Variants in GALNT17 observed in about 807,000 individuals in gnomAD.
GALNT17 encodes UDP-GalNAc:polypeptide N-acetylgalactosaminyltransferase-like 3.
GALNT17 carries 29 observed loss-of-function variants against 63.7 expected under a neutral mutation model. The ratio of observed to expected loss-of-function variants is 0.46; its 90% CI spans 0.34 to 0.62. The LOEUF (loss-of-function observed/expected upper bound fraction) is 0.62. Ranked by LOEUF, GALNT17 falls within the 20% of genes least tolerant of loss-of-function variation. GALNT17 has a pLI of 0.01. For missense variants in GALNT17, 603 were observed against 799.6 expected (o/e 0.75, Z 2.97); for synonymous variants, 305 against 318.3 (o/e 0.96, Z 0.45).
chr7:71,340,821 G>A (rs1791993679), intron 2 of GALNT17, among the ~76,000 whole-genome samples: 1 of 152,130 alleles, frequency 6.6e-6, no homozygotes, highest in Non-Finnish European at 1.5e-5. Context: ...ATCATTTGAG[G>A]TCAGGAGTTT....
intron 7 of GALNT17, among the ~76,000 whole-genome samples, chr7:71,667,988 A>G (rs1174150594): frequency 6.6e-6 from 1 of 152,006 alleles, no homozygotes; most frequent in African/African-American, 2.4e-5. Flanking sequence ...TTGTAGAGAC[A>G]AGGTTTTGCC....
At chr7:71,301,541 A>C (rs74339002) in intron 1 of GALNT17, among the ~76,000 whole-genome samples, 4,119 of 151,684 alleles carry the variant, frequency 0.027, 192 homozygotes, top group African/African-American at 0.094. Flanking sequence ...TTAGTCTTGT[A>C]GTCCTTTTTT....
chr7:71,196,092 T>C (rs1789043490), intron 1 of GALNT17, among the ~76,000 whole-genome samples: 1 of 152,256 alleles, frequency 6.6e-6, no homozygotes, highest in African/African-American at 2.4e-5. Context: ...CCTCCTCCCA[T>C]GTGCCTGTTC....
intron 5 of GALNT17, among the ~76,000 whole-genome samples, chr7:71,505,093 A>G (rs1691296095): frequency 6.6e-6 from 1 of 152,128 alleles, no homozygotes; most frequent in Admixed American, 6.5e-5. Flanking sequence ...CTGATCTCTT[A>G]CTTGACCCAC....
intron 8 of GALNT17, among the ~76,000 whole-genome samples, chr7:71,672,872 C>G (rs1242676343): frequency 1.3e-5 from 2 of 151,978 alleles, no homozygotes; most frequent in Admixed American, 1.3e-4. Context: ...ATAAAACATC[C>G]TCAAAGAAAA....
intron 2 of GALNT17, among the ~76,000 whole-genome samples, chr7:71,383,644 A>G (rs534232394): frequency 1.3e-5 from 2 of 152,108 alleles, no homozygotes; most frequent in African/African-American, 2.4e-5. Context: ...GTGTTCCCCA[A>G]GCTGGTCTTG....
intron 5 of GALNT17, among the ~76,000 whole-genome samples, chr7:71,554,329 A>C (rs28709000): frequency 0.31 from 47,763 of 151,718 alleles, 7,659 homozygotes; most frequent in Admixed American, 0.34. Flanking sequence ...TTCCCTGCAC[A>C]CTCTCTGTTG....
chr7:71,256,599 CAAAAA>C (rs1234495345), intron 1 of GALNT17, among the ~76,000 whole-genome samples: 1 of 150,398 alleles, frequency 6.6e-6, no homozygotes, highest in Non-Finnish European at 1.5e-5. Flanking sequence ...AAACCAAAAA[CAAAAA>C]AACAAAACTG....
intron 5 of GALNT17, among the ~76,000 whole-genome samples, chr7:71,441,677 C>T (rs1787069309): frequency 1.3e-5 from 2 of 152,116 alleles, no homozygotes; most frequent in Non-Finnish European, 2.9e-5. Flanking sequence ...TGATGTTCCC[C>T]TCCCTGTGTC....
chr7:71,618,721 G>T (rs1790251892), intron 6 of GALNT17, among the ~76,000 whole-genome samples: 1 of 152,124 alleles, frequency 6.6e-6, no homozygotes, highest in African/African-American at 2.4e-5. Context: ...GCCTTTGCTG[G>T]ATATATAATT....
intron 8 of GALNT17, among the ~76,000 whole-genome samples, chr7:71,673,529 C>T (rs1375330008): frequency 1.3e-5 from 2 of 152,126 alleles, no homozygotes; most frequent in Non-Finnish European, 2.9e-5. Flanking sequence ...GGACTTTGGG[C>T]AGTTTTGCAA....
chr7:71,332,345 G>A (rs139989445), intron 1 of GALNT17, among the ~76,000 whole-genome samples: 44 of 152,020 alleles, frequency 2.9e-4, no homozygotes, highest in African/African-American at 8.9e-4. Flanking sequence ...AGATATTTCA[G>A]TTTCAATGAT....
chr7:71,269,571 T>C (rs779236082), intron 1 of GALNT17, among the ~76,000 whole-genome samples: 1 of 152,130 alleles, frequency 6.6e-6, no homozygotes, highest in Non-Finnish European at 1.5e-5. Flanking sequence ...GGAGGAAGTA[T>C]GGAGGGCCAT....
intron 3 of GALNT17, among the ~76,000 whole-genome samples, chr7:71,403,457 T>C (rs1450322383): frequency 6.6e-6 from 1 of 152,190 alleles, no homozygotes; most frequent in African/African-American, 2.4e-5. Flanking sequence ...CCACATCTGC[T>C]CTGATGTTAT....
chr7:71,292,124 C>G (rs1292178710), intron 1 of GALNT17, among the ~76,000 whole-genome samples: 2 of 152,128 alleles, frequency 1.3e-5, no homozygotes, highest in Non-Finnish European at 2.9e-5. Context: ...ATAATTTTCC[C>G]AGTTCCCCTT....
intron 3 of GALNT17, among the ~76,000 whole-genome samples, chr7:71,395,837 A>G (rs949873405): frequency 2.0e-5 from 3 of 152,126 alleles, no homozygotes; most frequent in African/African-American, 7.2e-5. Context: ...GCATTTCCCT[A>G]ATGACTAATT....
chr7:71,429,071 TTGTC>T (rs1408435373), intron 5 of GALNT17, among the ~76,000 whole-genome samples: 2 of 152,220 alleles, frequency 1.3e-5, no homozygotes, highest in African/African-American at 4.8e-5. Flanking sequence ...GCTAATCTGT[TTGTC>T]TGTCTATTGA....
At chr7:71,286,016 G>T (rs1001817591) in intron 1 of GALNT17, among the ~76,000 whole-genome samples, 1 of 152,140 alleles carries the variant, frequency 6.6e-6, no homozygotes, top group Admixed American at 6.5e-5. Context: ...CCTAAATTCC[G>T]CAAAGCCAAA....
intron 6 of GALNT17, among the ~76,000 whole-genome samples, chr7:71,583,451 C>T (rs1215046565): frequency 2.0e-5 from 3 of 152,128 alleles, no homozygotes; most frequent in Admixed American, 2.0e-4. Flanking sequence ...CGTAGCCCCT[C>T]CCTAGAGCTG....
Sources: allele counts gnomAD v4.1 joint callset (sites outside exome capture counted in the v4.1 genomes callset), GRCh38; gene constraint gnomAD v4.1.1; transcripts MANE v1.5; gene names NCBI Gene and HGNC (gene_info 2026-07-23, HGNC 2026-07-21).